Variants in MYL10 observed in about 807,000 individuals in gnomAD.
MYL10 encodes the protein myosin regulatory light chain 10.
Under a neutral mutation model 21.9 loss-of-function variants are expected in MYL10, and 18 were observed. That is an observed-to-expected ratio of 0.82 (90% CI 0.57 to 1.22). MYL10 has a LOEUF of 1.22. MYL10 is among the 50% of genes most tolerant of loss of function. The pLI, the probability that MYL10 is intolerant of heterozygous loss-of-function variation, is 0.00. For synonymous variants in MYL10, 88 were observed against 82.8 expected (o/e 1.06, Z -0.34); for missense variants, 225 against 230.4 (o/e 0.98, Z 0.15).
At chr7:101,620,778 CTT>C (rs1392044633) in intron 5 of MYL10, among the ~76,000 whole-genome samples, 2 of 134,038 alleles carry the variant, frequency 1.5e-5, no homozygotes, top group Non-Finnish European at 1.6e-5. Context: ...CTGACCCTTC[CTT>C]TTTTTTTTTT....
At chr7:101,619,814 C>T (rs1796654709) in intron 5 of MYL10, among the ~76,000 whole-genome samples, 2 of 141,144 alleles carry the variant, frequency 1.4e-5, no homozygotes, top group South Asian at 2.2e-4. Flanking sequence ...GGCGTGAACC[C>T]GGGAGGCATA....
chr7:101,613,600 C>T (rs776565325), intron 7 of MYL10, 27 bp from the exon 8 acceptor site: 12 of 1,613,766 alleles, frequency 7.4e-6, no homozygotes, highest in Non-Finnish European at 8.5e-6. Flanking sequence ...AGTCAGCCTG[C>T]ACCAGGCCAA....
intron 1 of MYL10, among the ~76,000 whole-genome samples, chr7:101,625,329 G>A (rs978074841): frequency 3.9e-5 from 6 of 152,208 alleles, no homozygotes; most frequent in African/African-American, 9.7e-5. Flanking sequence ...AGCCCCCAGG[G>A]GCGCTGTGAG....
At chr7:101,619,889 C>CAA (rs60752793) in intron 5 of MYL10, among the ~76,000 whole-genome samples, 58,115 of 102,596 alleles carry the variant, frequency 0.57, 17,915 homozygotes, top group Non-Finnish European at 0.61. Context: ...GACTCCGTCT[C>CAA]AAAAAAAAAA....
chr7:101,618,256 C>G (rs1339390892), intron 5 of MYL10, among the ~76,000 whole-genome samples: 2 of 152,370 alleles, frequency 1.3e-5, no homozygotes, highest in African/African-American at 4.8e-5. Flanking sequence ...GAGGGCAGGG[C>G]TCCAGGCCCT....
rs1245031157 is a variant in MYL10 at position 101,617,815 on chromosome 7, C to T, written c.455-1517G>A. Among the ~76,000 whole-genome samples, 12 of 152,156 alleles carry T rather than the reference C, an allele frequency of 7.9e-5. 1 individual carries two copies. The highest frequency in any genetic ancestry group is 2.2e-4 in the African/African-American group (9 of 41,438). On this transcript the variant is annotated intron_variant, in intron 5 of 7. Transcript: ENST00000223167. ...GGCCATCTGTGTCTCCCCGATCAGA[C>T]TGGGTCAGGGCCATCTGTGCCTCTT... is the stretch of plus-strand genomic sequence containing the variant.
In MYL10 at chr7:101,613,538, C is replaced by T; in HGVS notation, c.618G>A (p.Val206=). The T allele has an allele frequency of 6.2e-7, 1 of 1,614,156 alleles. No homozygotes were observed. The highest frequency in any genetic ancestry group is 8.5e-7 in the Non-Finnish European group (1 of 1,180,048). Reference sequence around the variant, plus strand: ...GGTTTCTGTAGTCCAGGTTGCCGCACACATCTGGGGGAAATGCTGCAAACA... The same window carrying T: ...GGTTTCTGTAGTCCAGGTTGCCGCATACATCTGGGGGAAATGCTGCAAACA... ...KQMFAAFPPD[V]CGNLDYRNLC... The change falls in exon 8 of 8, where the codon GTG becomes GTA. Residue 206 remains valine (V), a synonymous_variant. Transcript: ENST00000223167.
chr7:101,623,126 TC>T, intron 3 of MYL10, 54 bp from the exon 4 acceptor site: 2 of 1,538,450 alleles, frequency 1.3e-6, no homozygotes, highest in Non-Finnish European at 8.9e-7. Context: ...CCCGGCCACC[TC>T]CCCCAGGGAC....
intron 3 of MYL10, 66 bp from the exon 4 acceptor site, chr7:101,623,138 C>T (rs1201599373): frequency 5.4e-6 from 8 of 1,475,506 alleles, no homozygotes; most frequent in East Asian, 2.3e-5. Flanking sequence ...CCCCAGGGAC[C>T]GTCCTCCTGC....
intron 6 of MYL10, 70 bp from the exon 7 acceptor site, chr7:101,613,780 G>A: frequency 6.8e-7 from 1 of 1,470,850 alleles, no homozygotes; most frequent in Non-Finnish European, 9.5e-7. Context: ...GATCCCAGGG[G>A]TGATGAGGGG....
At chr7:101,619,565 T>C (rs1796651993) in intron 5 of MYL10, among the ~76,000 whole-genome samples, 1 of 152,166 alleles carries the variant, frequency 6.6e-6, no homozygotes, top group Admixed American at 6.5e-5. Context: ...GATCACCCTG[T>C]GGTGGACTGA....
intron 6 of MYL10, among the ~76,000 whole-genome samples, chr7:101,615,317 C>G (rs545909165): frequency 6.6e-6 from 1 of 152,102 alleles, no homozygotes; most frequent in South Asian, 2.1e-4. Context: ...CGGCCATGAC[C>G]CTCCTGGGAG....
chr7:101,615,436 G>T (rs1796597553), intron 6 of MYL10, among the ~76,000 whole-genome samples: 1 of 150,970 alleles, frequency 6.6e-6, no homozygotes, highest in Admixed American at 6.6e-5. Flanking sequence ...CAGGGGCTAG[G>T]GTGTGAGCGC....
intron 5 of MYL10, among the ~76,000 whole-genome samples, chr7:101,618,317 G>A (rs1342353822): frequency 6.6e-6 from 1 of 152,200 alleles, no homozygotes; most frequent in Non-Finnish European, 1.5e-5. Context: ...AGGCGGGTGA[G>A]GGTTGAGTGA....
chr7:101,613,359 TC>T lies in MYL10; in HGVS notation c.*115del. The T allele has an allele frequency of 1.3e-6, 1 of 784,470 alleles. No individual in the cohort carries two copies. The highest frequency in any genetic ancestry group is 2.5e-5 in the East Asian group (1 of 39,680). 48.6% of individuals were successfully genotyped at this position (784,470 alleles called of 1,614,324 possible). ...ATTAGCATTATTTATTCTTGCTTTG[TC>T]CCCAACCGTAGGACAAGGGAAGCCT... On this transcript the variant is annotated 3_prime_UTR_variant, in exon 8 of 8. Transcript: ENST00000223167.
At chr7:101,621,640 G>A (rs1019322761) in intron 5 of MYL10, among the ~76,000 whole-genome samples, 2 of 152,054 alleles carry the variant, frequency 1.3e-5, no homozygotes, top group African/African-American at 2.4e-5. Flanking sequence ...CCAGGCTGGA[G>A]TGCAGTGGTG....
At chr7:101,618,980 C>T (rs1432409665) in intron 5 of MYL10, among the ~76,000 whole-genome samples, 1 of 152,166 alleles carries the variant, frequency 6.6e-6, no homozygotes, top group Non-Finnish European at 1.5e-5. Context: ...GGAGGTCTCT[C>T]TAAACTCCTG....
At chr7:101,618,732 A>G (rs4727503) in intron 5 of MYL10, among the ~76,000 whole-genome samples, 148,841 of 152,266 alleles carry the variant, frequency 0.98, 72,766 homozygotes, top group East Asian at 1. Context: ...CCCTCCCACC[A>G]GCCTCTCACG....
At chr7:101,613,825 G>T (rs1013496626) in intron 6 of MYL10, 115 bp from the exon 7 acceptor site, 3 of 1,015,572 alleles carry the variant, frequency 3.0e-6, no homozygotes, top group African/African-American at 3.1e-5. Flanking sequence ...GGACCAGGAG[G>T]ACATCAACCT....
Sources: gnomAD v4.1 joint callset for allele counts (sites outside exome capture counted in the v4.1 genomes callset) on GRCh38, gnomAD v4.1.1 for gene constraint, MANE v1.5 for transcripts, NCBI Gene and HGNC (gene_info 2026-07-23, HGNC 2026-07-21) for gene names.